The following FAM135B variants were observed in gnomAD, a reference collection of about 807,000 sequenced individuals.
FAM135B encodes the protein family with sequence similarity 135 member B.
Under a neutral mutation model 127.7 loss-of-function variants are expected in FAM135B, and 43 were observed. That is an observed-to-expected ratio of 0.34 (90% CI 0.26 to 0.43). The LOEUF is 0.43. Ranked by LOEUF, FAM135B falls within the 20% of genes least tolerant of loss-of-function variation. The probability of loss-of-function intolerance (pLI) is 1.00; values close to 1 mark genes in which losing one functional copy is unlikely to be tolerated. For synonymous variants in FAM135B, 670 were observed against 665.1 expected (o/e 1.01, Z -0.11); for missense variants, 1,558 against 1,725.6 (o/e 0.90, Z 1.72).
intron 1 of FAM135B, among the ~76,000 whole-genome samples, chr8:138,404,056 A>T (rs1436396252): frequency 6.6e-6 from 1 of 152,098 alleles, no homozygotes; most frequent in Non-Finnish European, 1.5e-5. Context: ...ATTTTGAGTG[A>T]TTTTCTTATA....
intron 1 of FAM135B, among the ~76,000 whole-genome samples, chr8:138,389,281 C>T (rs762437285): frequency 1.4e-4 from 22 of 152,126 alleles, no homozygotes; most frequent in Admixed American, 3.9e-4. Flanking sequence ...AATTACCACA[C>T]GACCCAGCAA....
At chr8:138,230,100 T>A (rs1342972259) in intron 7 of FAM135B, among the ~76,000 whole-genome samples, 1 of 152,190 alleles carries the variant, frequency 6.6e-6, no homozygotes, top group Non-Finnish European at 1.5e-5. Flanking sequence ...TCCAGACACA[T>A]GACCCCAAAC....
At chr8:138,383,897 C>T (rs774696985) in intron 1 of FAM135B, among the ~76,000 whole-genome samples, 22 of 152,346 alleles carry the variant, frequency 1.4e-4, no homozygotes, top group African/African-American at 5.0e-4. Context: ...CCCTTTGGTG[C>T]CCATTGTCCT....
chr8:138,138,551 G>A (rs953033606), intron 18 of FAM135B, among the ~76,000 whole-genome samples: 3 of 152,240 alleles, frequency 2.0e-5, no homozygotes, highest in African/African-American at 7.2e-5. Context: ...ACAGAGAGAG[G>A]GTGCAGGTAT....
At chr8:138,421,183 G>A (rs13269297) in intron 1 of FAM135B, among the ~76,000 whole-genome samples, 10,320 of 152,134 alleles carry the variant, frequency 0.068, 789 homozygotes, top group East Asian at 0.26. Context: ...CATGGTGGCA[G>A]GCAACTGTAG....
At chr8:138,237,296 G>T (rs1820376181) in intron 7 of FAM135B, among the ~76,000 whole-genome samples, 1 of 151,958 alleles carries the variant, frequency 6.6e-6, no homozygotes, top group South Asian at 2.1e-4. Context: ...GAGTAGCTGG[G>T]ATTACAGATG....
chr8:138,308,416 G>A (rs2130880126), intron 3 of FAM135B, among the ~76,000 whole-genome samples: 1 of 152,292 alleles, frequency 6.6e-6, no homozygotes, highest in South Asian at 2.1e-4. Context: ...TCATAATGCA[G>A]CGGTCTCTAA....
intron 1 of FAM135B, among the ~76,000 whole-genome samples, chr8:138,375,795 G>A (rs1831432721): frequency 6.6e-6 from 1 of 152,086 alleles, no homozygotes; most frequent in East Asian, 1.9e-4. Flanking sequence ...AACATGGTAG[G>A]GATGGGGGGA....
At chr8:138,404,825 TAC>T in intron 1 of FAM135B, among the ~76,000 whole-genome samples, 1 of 152,276 alleles carries the variant, frequency 6.6e-6, no homozygotes, top group East Asian at 1.9e-4. Flanking sequence ...CTAACACATC[TAC>T]AGTTACTTCT....
intron 3 of FAM135B, among the ~76,000 whole-genome samples, chr8:138,285,824 G>A (rs918650268): frequency 1.3e-5 from 2 of 152,152 alleles, no homozygotes; most frequent in African/African-American, 2.4e-5. Context: ...TGAAGCTTTC[G>A]AACAGGATTT....
chr8:138,424,304 A>G (rs1195103614), intron 1 of FAM135B, among the ~76,000 whole-genome samples: 1 of 152,216 alleles, frequency 6.6e-6, no homozygotes, highest in African/African-American at 2.4e-5. Context: ...AGAAATTATA[A>G]AAGTATTAAT....
chr8:138,179,137 A>G (rs1208262706), intron 9 of FAM135B, among the ~76,000 whole-genome samples: 1 of 152,014 alleles, frequency 6.6e-6, no homozygotes, highest in Non-Finnish European at 1.5e-5. Context: ...TTCTAATCCC[A>G]TCACCACAAA....
chr8:138,191,929 C>G (rs1816165922), intron 9 of FAM135B, among the ~76,000 whole-genome samples: 1 of 152,166 alleles, frequency 6.6e-6, no homozygotes, highest in South Asian at 2.1e-4. Context: ...ATCTCTATTC[C>G]CTGCACCGAT....
chr8:138,281,676 A>G (rs886898410), intron 3 of FAM135B, among the ~76,000 whole-genome samples: 2 of 151,918 alleles, frequency 1.3e-5, no homozygotes, highest in Non-Finnish European at 2.9e-5. Flanking sequence ...CTCTCTCCTT[A>G]TAAGGGTCAC....
At chr8:138,146,622 G>A (rs1187976561) in intron 14 of FAM135B, among the ~76,000 whole-genome samples, 1 of 152,016 alleles carries the variant, frequency 6.6e-6, no homozygotes, top group Non-Finnish European at 1.5e-5. Context: ...TCGGGGCAGA[G>A]GAATGAAAGG....
chr8:138,194,056 G>A (rs553823292), intron 9 of FAM135B, among the ~76,000 whole-genome samples: 37 of 152,252 alleles, frequency 2.4e-4, no homozygotes, highest in African/African-American at 8.4e-4. Context: ...CAGCAGAGTC[G>A]GAGCATATGA....
At chr8:138,225,187 A>G (rs1819318820) in intron 7 of FAM135B, among the ~76,000 whole-genome samples, 2 of 152,224 alleles carry the variant, frequency 1.3e-5, no homozygotes, top group Non-Finnish European at 1.5e-5. Flanking sequence ...ATAGATCAAA[A>G]GAATTACACT....
At position 138,242,165 on chromosome 8, in the gene FAM135B, TTGTGTG is replaced by T. The variant is rs55837421; in HGVS notation, c.669+771_669+776del. On this transcript the variant is annotated intron_variant, in intron 7 of 19. Transcript: ENST00000395297. This position sits in a 1 kb window ranked among gnomAD's most constrained non-coding sequence, Gnocchi z 9.6. ...AGTCAATTACTTATGATAAATCTCT[TTGTGTG>T]TGTGTGTGTGTGTGTGTGTGTGTGT... 0.15 allele frequency among the ~76,000 whole-genome samples: 19,272 copies of T among 129,868 alleles called. 1,550 individuals are homozygous for T. The highest frequency in any genetic ancestry group is 0.23 in the Middle Eastern group (56 of 248). 85.2% of individuals were successfully genotyped at this position (129,868 alleles called of 152,430 possible).
At chr8:138,199,959 G>A (rs1393830264) in intron 7 of FAM135B, among the ~76,000 whole-genome samples, 2 of 152,176 alleles carry the variant, frequency 1.3e-5, no homozygotes, top group East Asian at 3.9e-4. Context: ...CACCCTAGCA[G>A]GGAAGTGTAA....
Sources: allele counts gnomAD v4.1 joint callset (sites outside exome capture counted in the v4.1 genomes callset), GRCh38; gene constraint gnomAD v4.1.1; non-coding constraint Gnocchi (gnomAD v3.1); transcripts MANE v1.5; gene names NCBI Gene and HGNC (gene_info 2026-07-23, HGNC 2026-07-21).